Variants in SETBP1 observed in about 807,000 individuals in gnomAD.
SETBP1 encodes the protein SET binding protein 1.
SETBP1 carries 9 observed loss-of-function variants against 101.0 expected under a neutral mutation model. That is an observed-to-expected ratio of 0.09 (90% CI 0.05 to 0.16). The LOEUF (loss-of-function observed/expected upper bound fraction) is 0.16, where lower values mean the gene tolerates loss of function less well. Among genes scored for constraint, SETBP1 ranks in the 10% least tolerant of loss-of-function variants. SETBP1 has a pLI of 1.00. For missense variants in SETBP1, 1,858 were observed against 2,033.8 expected, an observed-to-expected ratio of 0.91 and a Z score of 1.66; for synonymous variants, 818 against 788.5, an observed-to-expected ratio of 1.04 and a Z score of -0.63.
chr18:44,847,108 G>A (rs1233797711), intron 2 of SETBP1, among the ~76,000 whole-genome samples: 2 of 152,198 alleles, frequency 1.3e-5, no homozygotes, highest in African/African-American at 4.8e-5. Context: ...CTATAAATAT[G>A]TTAGAGTTGG....
chr18:45,001,972 G>T (rs1221668188), intron 4 of SETBP1, among the ~76,000 whole-genome samples: 2 of 151,974 alleles, frequency 1.3e-5, no homozygotes, highest in Non-Finnish European at 2.9e-5. Flanking sequence ...ATTATCCAAG[G>T]CTCCCCCACC....
intron 2 of SETBP1, among the ~76,000 whole-genome samples, chr18:44,773,185 T>C (rs1460710803): frequency 6.6e-6 from 1 of 152,222 alleles, no homozygotes; most frequent in African/African-American, 2.4e-5. Context: ...AGACAGTCCA[T>C]AGAGGAAGCA....
chr18:44,701,515 C>A lies in SETBP1; in HGVS notation c.169C>A (p.Pro57Thr). 1 of 1,613,824 alleles carries A rather than the reference C, an allele frequency of 6.2e-7. No homozygotes were observed. Among genetic ancestry groups the A allele is most frequent in the Non-Finnish European group, 8.5e-7 (1 of 1,179,874 alleles). ...CCCGGTGGGCGGAGAGCGCATGGAG[C>A]CAGAGGAGGAGGATGAACTAGGCTC... is the stretch of plus-strand genomic sequence containing the variant. ...GIPVGGERMEPEEEDELGSGR... is the reference protein window; with the variant it reads ...GIPVGGERMETEEEDELGSGR... Residue 57 changes from proline to threonine, a missense_variant, in exon 2 of 6, where the codon CCA becomes ACA. Around this residue, in one of 12 missense-constraint regions of SETBP1, gnomAD observed 97 missense variants for 101.2 expected, o/e 0.96. Transcript: ENST00000649279.
intron 2 of SETBP1, among the ~76,000 whole-genome samples, chr18:44,722,496 A>G (rs752600840): frequency 1.3e-5 from 2 of 152,168 alleles, no homozygotes; most frequent in Non-Finnish European, 2.9e-5. Context: ...GGATCCTTCT[A>G]TGTCAAAGAT....
At chr18:44,891,901 G>A (rs1471935889) in intron 3 of SETBP1, among the ~76,000 whole-genome samples, 2 of 151,978 alleles carry the variant, frequency 1.3e-5, no homozygotes, top group African/African-American at 2.4e-5. Context: ...ATTTTTGAAC[G>A]TTTGAACATT....
chr18:44,854,203 G>C (rs2072928032), intron 2 of SETBP1, among the ~76,000 whole-genome samples: 1 of 152,040 alleles, frequency 6.6e-6, no homozygotes, highest in Non-Finnish European at 1.5e-5. Context: ...CTAAGAGAAA[G>C]TTGAAATTCA....
chr18:45,017,554 A>G (rs535076374), intron 4 of SETBP1, among the ~76,000 whole-genome samples: 1 of 152,218 alleles, frequency 6.6e-6, no homozygotes. Context: ...GGACTGGGAT[A>G]TGGTTTTCCA....
At chr18:44,787,290 C>G (rs2071258920) in intron 2 of SETBP1, among the ~76,000 whole-genome samples, 1 of 152,118 alleles carries the variant, frequency 6.6e-6, no homozygotes, top group Non-Finnish European at 1.5e-5. Context: ...ATTTATATAG[C>G]ATCTGTCAGC....
At chr18:44,827,977 A>G (rs188507893) in intron 2 of SETBP1, among the ~76,000 whole-genome samples, 1 of 152,350 alleles carries the variant, frequency 6.6e-6, no homozygotes, top group East Asian at 1.9e-4. Context: ...TGAAATTAAG[A>G]AAGGTGGTAA....
intron 2 of SETBP1, among the ~76,000 whole-genome samples, chr18:44,780,261 T>G (rs2071098313): frequency 6.6e-6 from 1 of 152,156 alleles, no homozygotes; most frequent in African/African-American, 2.4e-5. Context: ...ATTTTACAAA[T>G]GAAGGAAACA....
At chr18:45,025,851 T>C (rs1291412828) in intron 4 of SETBP1, among the ~76,000 whole-genome samples, 1 of 152,196 alleles carries the variant, frequency 6.6e-6, no homozygotes, top group East Asian at 1.9e-4. Context: ...GATATGTCCA[T>C]AAAAGGTGAG....
chr18:44,861,237 T>C (rs1305368842), intron 2 of SETBP1, among the ~76,000 whole-genome samples: 4 of 93,116 alleles, frequency 4.3e-5, no homozygotes, highest in African/African-American at 1.1e-4. Flanking sequence ...TTCTTTTTTT[T>C]TTTTTTTTTT....
chr18:44,753,541 C>T (rs1445650296), intron 2 of SETBP1, among the ~76,000 whole-genome samples: 1 of 152,180 alleles, frequency 6.6e-6, no homozygotes, highest in African/African-American at 2.4e-5. Flanking sequence ...CCTTTCTAGG[C>T]CATTGCTTCA....
chr18:45,040,910 G>T (rs545000323), intron 5 of SETBP1, among the ~76,000 whole-genome samples: 3 of 152,132 alleles, frequency 2.0e-5, no homozygotes, highest in Non-Finnish European at 1.5e-5. Context: ...TGGACTTTTG[G>T]GGGGAAATAG....
intron 2 of SETBP1, among the ~76,000 whole-genome samples, chr18:44,766,537 G>A (rs968025944): frequency 2.6e-5 from 4 of 152,180 alleles, no homozygotes; most frequent in African/African-American, 4.8e-5. Context: ...GGGGGTGGGT[G>A]ATAGAAGGGA....
intron 3 of SETBP1, among the ~76,000 whole-genome samples, chr18:44,943,874 G>C (rs1319974586): frequency 3.6e-5 from 5 of 140,630 alleles, no homozygotes; most frequent in Non-Finnish European, 7.7e-5. Flanking sequence ...TCTCTCTGTT[G>C]CCCAGGCTGC....
At chr18:44,782,975 A>G in intron 2 of SETBP1, among the ~76,000 whole-genome samples, 1 of 152,170 alleles carries the variant, frequency 6.6e-6, no homozygotes, top group Admixed American at 6.5e-5. Context: ...CTAGATCCTC[A>G]CTGGAAGAGG....
chr18:44,701,073 G>A (rs948684773), intron 1 of SETBP1, 102 bp from the exon 2 acceptor site: 12 of 341,352 alleles, frequency 3.5e-5, no homozygotes, highest in Non-Finnish European at 5.8e-5. Context: ...TCTTTTTTCC[G>A]GATGCCATAG....
chr18:44,947,792 A>G (rs1017682671), intron 3 of SETBP1, among the ~76,000 whole-genome samples: 1 of 152,168 alleles, frequency 6.6e-6, no homozygotes, highest in African/African-American at 2.4e-5. Flanking sequence ...GGCGTGAGCC[A>G]CTACACCCAG....
Sources: allele counts gnomAD v4.1 joint callset (sites outside exome capture counted in the v4.1 genomes callset), GRCh38; gene constraint gnomAD v4.1.1; regional missense constraint gnomAD v4.1.1; transcripts MANE v1.5; gene names NCBI Gene and HGNC (gene_info 2026-07-23, HGNC 2026-07-21).